Variants in BRD7 observed in about 807,000 individuals in gnomAD.
BRD7 encodes the protein bromodomain-containing protein 7.
A neutral mutation model predicts 82.1 loss-of-function variants in BRD7; 15 were observed. The ratio of observed to expected loss-of-function variants is 0.18; its 90% CI spans 0.12 to 0.28. The LOEUF (loss-of-function observed/expected upper bound fraction) is 0.28. BRD7 is among the 10% of genes least tolerant of loss of function. The probability of loss-of-function intolerance (pLI) is 1.00; values close to 1 mark genes in which losing one functional copy is unlikely to be tolerated. For missense variants in BRD7, 638 were observed against 779.9 expected, an observed-to-expected ratio of 0.82 and a Z score of 2.17; for synonymous variants, 232 against 266.9, an observed-to-expected ratio of 0.87 and a Z score of 1.27.
At chr16:50,364,016 T>C (rs578131016) in intron 2 of BRD7, among the ~76,000 whole-genome samples, 143 of 151,650 alleles carry the variant, frequency 9.4e-4, no homozygotes, top group African/African-American at 2.9e-3. Flanking sequence ...TGGACCATGA[T>C]TGCACCACTG....
intron 16 of BRD7, 98 bp downstream of exon 16, chr16:50,319,789 A>G: frequency 6.8e-7 from 1 of 1,474,780 alleles, no homozygotes; most frequent in Non-Finnish European, 9.1e-7. Context: ...TGGGGTAAAT[A>G]CCAAATCCGA....
chr16:50,341,229 CAAA>C (rs2038039404), intron 5 of BRD7, among the ~76,000 whole-genome samples: 1 of 148,826 alleles, frequency 6.7e-6, no homozygotes, highest in Admixed American at 6.7e-5. Context: ...CAGCTGAACA[CAAA>C]AGTCTTCATG....
At chr16:50,335,027 TA>T in intron 6 of BRD7, 132 bp from the exon 7 acceptor site, 1 of 880,716 alleles carries the variant, frequency 1.1e-6, no homozygotes, top group Non-Finnish European at 1.7e-6. Context: ...TGTAATCATA[TA>T]CCAAGAGAGT....
At chr16:50,359,027 C>CT (rs1465980500) in intron 2 of BRD7, among the ~76,000 whole-genome samples, 2 of 152,156 alleles carry the variant, frequency 1.3e-5, no homozygotes, top group African/African-American at 4.8e-5. Context: ...TTTACATTTT[C>CT]TTTTTCATAA....
chr16:50,328,429 G>A (rs909083677), intron 9 of BRD7, among the ~76,000 whole-genome samples: 2 of 152,140 alleles, frequency 1.3e-5, no homozygotes, highest in African/African-American at 4.8e-5. Context: ...GTTAATGGCG[G>A]GTTTAAAATA....
At chr16:50,364,564 G>T (rs934984446) in intron 2 of BRD7, among the ~76,000 whole-genome samples, 3 of 152,166 alleles carry the variant, frequency 2.0e-5, no homozygotes, top group Non-Finnish European at 4.4e-5. Flanking sequence ...AGAGACTGTG[G>T]ATATGAACCC....
At chr16:50,321,045 T>C (rs1026661685) in intron 13 of BRD7, among the ~76,000 whole-genome samples, 6 of 152,262 alleles carry the variant, frequency 3.9e-5, no homozygotes, top group Non-Finnish European at 7.3e-5. Flanking sequence ...TTGTTTAGTA[T>C]GGCAACTATT....
At chr16:50,333,072 A>G (rs2037638712) in intron 8 of BRD7, among the ~76,000 whole-genome samples, 1 of 152,210 alleles carries the variant, frequency 6.6e-6, no homozygotes, top group Non-Finnish European at 1.5e-5. Context: ...GAGAAGCTCA[A>G]ATCTCAGCAT....
intron 6 of BRD7, among the ~76,000 whole-genome samples, chr16:50,337,256 C>CTTTTTTTTTTTT (rs71138063): frequency 1.1e-5 from 1 of 93,254 alleles, no homozygotes; most frequent in Non-Finnish European, 2.0e-5. Flanking sequence ...GTTCATTCTT[C>CTTTTTTTTTTTT]TTTTTTTTTT....
chr16:50,319,835 TGA>T, intron 16 of BRD7, 50 bp downstream of exon 16: 3 of 1,576,366 alleles, frequency 1.9e-6, no homozygotes, highest in African/African-American at 2.7e-5. Context: ...CACTGAGGGA[TGA>T]CTATAGTCAC....
chr16:50,360,913 T>A (rs969404570), intron 2 of BRD7, among the ~76,000 whole-genome samples: 1 of 151,892 alleles, frequency 6.6e-6, no homozygotes, highest in Non-Finnish European at 1.5e-5. Context: ...AGGGGGAGGG[T>A]TTTCTGCCAA....
Position 50,354,442 on chromosome 16 carries a change from C to T in BRD7, c.429G>A (p.Leu143=), listed in dbSNP as rs746794686. ...QTPLQEALNQ[L]MRQLQRKDPS... ...ACATTTACCTCTGCAATTGTCTCAT[C>T]AGTTGATTCAAAGCTTCTTGAAGGG... Residue 143 remains leucine (L), a synonymous_variant, in exon 4 of 17, where the codon CTG becomes CTA. Transcript: ENST00000394688. 117 of 1,611,826 alleles carry T rather than the reference C, an allele frequency of 7.3e-5. No individual in the cohort carries two copies. The highest frequency in any genetic ancestry group is 3.6e-4 in the Middle Eastern group (2 of 5,604).
chr16:50,365,127 G>C (rs1567293371), intron 2 of BRD7, among the ~76,000 whole-genome samples: 1 of 152,088 alleles, frequency 6.6e-6, no homozygotes, highest in Non-Finnish European at 1.5e-5. Flanking sequence ...AGAACTGGAG[G>C]AGGCAGGGAA....
intron 11 of BRD7, among the ~76,000 whole-genome samples, chr16:50,324,376 T>C (rs541015217): frequency 6.6e-6 from 1 of 152,220 alleles, no homozygotes; most frequent in Non-Finnish European, 1.5e-5. Flanking sequence ...TCTCCAAGAG[T>C]AGCCAGGGTG....
rs1000713702 is a variant in BRD7 at position 50,318,135 on chromosome 16, A to G, written c.*1076T>C. On this transcript the variant is annotated 3_prime_UTR_variant, in exon 17 of 17. Transcript: ENST00000394688. ...TAAATTAGCAATTTGAAAAACTCAA[A>G]TATCTGAAGGTATTTTATTTTCGTG... The G allele has an allele frequency of 1.3e-5, 2 of 152,392 alleles. No homozygotes were observed. Among genetic ancestry groups the G allele is most frequent in the Non-Finnish European group, 2.9e-5 (2 of 68,024 alleles). The allele number at this position is 152,392 out of a possible 1,614,324, so 9.4% of individuals were successfully genotyped here. A position where few individuals can be genotyped will look rare whatever the true frequency, so the allele number is the denominator to read the frequency against.
At chr16:50,346,426 G>A (rs2038285704) in intron 5 of BRD7, among the ~76,000 whole-genome samples, 1 of 152,108 alleles carries the variant, frequency 6.6e-6, no homozygotes, top group Non-Finnish European at 1.5e-5. Flanking sequence ...GATCAGAGCA[G>A]AACTGAAGGA....
chr16:50,329,790 A>G (rs967224274), intron 8 of BRD7, among the ~76,000 whole-genome samples: 1 of 152,250 alleles, frequency 6.6e-6, no homozygotes, highest in South Asian at 2.1e-4. Context: ...CTGAGTAGGA[A>G]TTACAATTAG....
intron 4 of BRD7, among the ~76,000 whole-genome samples, chr16:50,353,196 G>A (rs2151193312): frequency 6.6e-6 from 1 of 151,852 alleles, no homozygotes; most frequent in Middle Eastern, 3.4e-3. Flanking sequence ...AGTCTCTGGA[G>A]CTGGGACTAC....
At chr16:50,352,701 G>GTTTTTTTTTTTTTTTTTTTTTT (rs34714781) in intron 4 of BRD7, among the ~76,000 whole-genome samples, 2 of 127,628 alleles carry the variant, frequency 1.6e-5, no homozygotes. Context: ...TGCCAGCTTT[G>GTTTTTTTTTTTTTTTTTTTTTT]TTTTTTTTTT....
Sources: allele counts gnomAD v4.1 joint callset (sites outside exome capture counted in the v4.1 genomes callset), GRCh38; gene constraint gnomAD v4.1.1; transcripts MANE v1.5; gene names NCBI Gene and HGNC (gene_info 2026-07-23, HGNC 2026-07-21).